The following ZC3H12B variants were observed in gnomAD, a reference collection of about 807,000 sequenced individuals.
ZC3H12B encodes the protein zinc finger CCCH-type containing 12B.
A neutral mutation model predicts 43.9 loss-of-function variants in ZC3H12B; 7 were observed. The ratio of observed to expected loss-of-function variants is 0.16; its 90% CI spans 0.09 to 0.30. The LOEUF is 0.30. ZC3H12B is among the 10% of genes least tolerant of loss of function. The pLI, the probability that ZC3H12B is intolerant of heterozygous loss-of-function variation, is 1.00. For synonymous variants in ZC3H12B, 222 were observed against 241.7 expected (o/e 0.92, Z 0.76); for missense variants, 475 against 670.2 (o/e 0.71, Z 3.22).
chrX:65,215,176 G>A, the ZC3H12B span, among the ~76,000 whole-genome samples: 1 of 111,822 alleles, frequency 8.9e-6, no homozygotes, highest in Non-Finnish European at 1.9e-5. Context: ...TAGAGCTTTT[G>A]GAATGGTAAA....
chrX:65,405,572 A>G (rs1384304923), intron 3 of ZC3H12B, among the ~76,000 whole-genome samples: 1 of 111,506 alleles, frequency 9.0e-6, no homozygotes. Flanking sequence ...GTGAGCCAAG[A>G]TAGCAGCACT....
At chrX:65,215,202 C>T in the ZC3H12B span, among the ~76,000 whole-genome samples, 1 of 111,896 alleles carries the variant, frequency 8.9e-6, no homozygotes, top group Admixed American at 9.5e-5. Context: ...ATTAGCTTCA[C>T]CTTAAAGTCA....
chrX:65,058,555 C>T, the ZC3H12B span, among the ~76,000 whole-genome samples: 5 of 112,165 alleles, frequency 4.5e-5, no homozygotes, highest in Non-Finnish European at 7.5e-5. Context: ...TCTGTCTGTT[C>T]TCAGATCTGA....
the ZC3H12B span, among the ~76,000 whole-genome samples, chrX:65,128,264 A>ATTTTTGTT: frequency 3.6e-5 from 4 of 111,762 alleles, no homozygotes; most frequent in South Asian, 1.1e-3. Context: ...TTGATGTTAT[A>ATTTTTGTT]TTTTTGTTTT....
the ZC3H12B span, among the ~76,000 whole-genome samples, chrX:65,158,758 C>T: frequency 8.9e-6 from 1 of 111,828 alleles, no homozygotes; most frequent in African/African-American, 3.3e-5. Flanking sequence ...TTTTGCTGTG[C>T]AGAAGCTCTT....
the ZC3H12B span, among the ~76,000 whole-genome samples, chrX:65,082,790 CAA>C: frequency 1.8e-5 from 2 of 110,858 alleles, no homozygotes; most frequent in Admixed American, 9.6e-5. Context: ...CAAAACCAGA[CAA>C]AGACATATCA....
At chrX:65,347,176 C>T in the ZC3H12B span, among the ~76,000 whole-genome samples, 1 of 111,426 alleles carries the variant, frequency 9.0e-6, no homozygotes, top group Non-Finnish European at 1.9e-5. Context: ...CTGGAGTGGA[C>T]CTCAAGGAAA....
chrX:65,070,708 A>G, the ZC3H12B span, among the ~76,000 whole-genome samples: 2 of 110,023 alleles, frequency 1.8e-5, no homozygotes, highest in African/African-American at 6.6e-5. Flanking sequence ...GTGGTTCAGG[A>G]GCCACTTGTC....
chrX:65,233,476 A>T, the ZC3H12B span, among the ~76,000 whole-genome samples: 4 of 110,707 alleles, frequency 3.6e-5, no homozygotes, highest in Non-Finnish European at 5.7e-5. Flanking sequence ...TTTGGAAATT[A>T]AACAAATGTG....
intron 3 of ZC3H12B, among the ~76,000 whole-genome samples, chrX:65,464,899 TTTCCACA>T (rs1264499681): frequency 9.0e-6 from 1 of 111,532 alleles, no homozygotes; most frequent in Non-Finnish European, 1.9e-5. Context: ...ATCTGATTGA[TTTCCACA>T]TATTTTTCAT....
the ZC3H12B span, among the ~76,000 whole-genome samples, chrX:65,336,306 C>G: frequency 8.9e-6 from 1 of 112,075 alleles, no homozygotes; most frequent in Non-Finnish European, 1.9e-5. Flanking sequence ...CTTCCCTGAG[C>G]GACCCTGGCA....
chrX:65,347,564 A>T, the ZC3H12B span, among the ~76,000 whole-genome samples: 36 of 112,130 alleles, frequency 3.2e-4, 1 homozygote, highest in Admixed American at 2.9e-3. Context: ...TAGAATGGTG[A>T]TCATTAAAAA....
At chrX:65,259,909 A>C in the ZC3H12B span, among the ~76,000 whole-genome samples, 1 of 112,157 alleles carries the variant, frequency 8.9e-6, no homozygotes, top group Non-Finnish European at 1.9e-5. Context: ...AAATGAAATA[A>C]TGGCATTTGC....
the ZC3H12B span, among the ~76,000 whole-genome samples, chrX:65,340,209 T>A: frequency 8.9e-6 from 1 of 112,250 alleles, no homozygotes; most frequent in Admixed American, 9.4e-5. Context: ...GCTTCTGTGC[T>A]AACACCACCA....
At chrX:65,345,514 C>A in the ZC3H12B span, among the ~76,000 whole-genome samples, 1 of 110,876 alleles carries the variant, frequency 9.0e-6, no homozygotes, top group African/African-American at 3.3e-5. Context: ...GGCAAATAGA[C>A]GGAAACAACA....
the ZC3H12B span, among the ~76,000 whole-genome samples, chrX:65,232,684 G>C: frequency 9.0e-6 from 1 of 111,487 alleles, no homozygotes; most frequent in Non-Finnish European, 1.9e-5. Flanking sequence ...AAGGAAGAGA[G>C]TGCTAACAAA....
intron 2 of ZC3H12B, among the ~76,000 whole-genome samples, chrX:65,392,462 G>T (rs1410290617): frequency 6.0e-5 from 5 of 83,421 alleles, no homozygotes; most frequent in African/African-American, 2.2e-4. Flanking sequence ...CAGCCGTCCC[G>T]TCTGGGAAGT....
At chrX:65,163,116 G>C in the ZC3H12B span, among the ~76,000 whole-genome samples, 5 of 110,896 alleles carry the variant, frequency 4.5e-5, no homozygotes, top group African/African-American at 9.8e-5. Flanking sequence ...CTGTCTGATC[G>C]TTCCTCTGGA....
the ZC3H12B span, among the ~76,000 whole-genome samples, chrX:65,072,234 C>T: frequency 0.015 from 1,723 of 111,998 alleles, 46 homozygotes; most frequent in African/African-American, 0.053. Flanking sequence ...TCCTCTTGGT[C>T]CATTCTGCTA....
Sources: gnomAD v4.1 joint callset for allele counts (sites outside exome capture counted in the v4.1 genomes callset) on GRCh38, gnomAD v4.1.1 for gene constraint, MANE v1.5 for transcripts, NCBI Gene and HGNC (gene_info 2026-07-23, HGNC 2026-07-21) for gene names.